Variants in MAP3K5 observed in about 807,000 individuals in gnomAD.
MAP3K5 encodes the protein ASK-1.
Under a neutral mutation model 158.7 loss-of-function variants are expected in MAP3K5, and 56 were observed. The ratio of observed to expected loss-of-function variants is 0.35; its 90% CI spans 0.28 to 0.44. The LOEUF (loss-of-function observed/expected upper bound fraction) is 0.44. Among genes scored for constraint, MAP3K5 ranks in the 20% least tolerant of loss-of-function variants. The pLI is 1.00. For missense variants in MAP3K5, 1,294 were observed against 1,674.8 expected, an observed-to-expected ratio of 0.77 and a Z score of 3.97; for synonymous variants, 579 against 601.7, an observed-to-expected ratio of 0.96 and a Z score of 0.55.
upstream of MAP3K5, among the ~76,000 whole-genome samples, chr6:136,792,971 C>T (rs1009524577): frequency 1.3e-5 from 2 of 152,166 alleles, no homozygotes; most frequent in African/African-American, 2.4e-5. This position sits in a 1 kb window ranked among gnomAD's most constrained non-coding sequence, Gnocchi z 5.7. Context: ...GGACCCCAGC[C>T]CTCCTCTGAG....
chr6:136,658,739 C>G (rs994890187), intron 9 of MAP3K5, among the ~76,000 whole-genome samples: 1 of 152,094 alleles, frequency 6.6e-6, no homozygotes, highest in African/African-American at 2.4e-5. Context: ...GAAAAACACA[C>G]AAATATAAGA....
At chr6:136,572,454 T>C (rs531508261) in intron 25 of MAP3K5, among the ~76,000 whole-genome samples, 77 of 152,216 alleles carry the variant, frequency 5.1e-4, no homozygotes, top group Admixed American at 1.4e-3. Context: ...ATGGGGTTTC[T>C]CCATATTGGT....
chr6:136,639,906 C>T (rs181211679), intron 12 of MAP3K5, among the ~76,000 whole-genome samples: 1 of 152,344 alleles, frequency 6.6e-6, no homozygotes, highest in Admixed American at 6.5e-5. Context: ...ATCCTTTCAA[C>T]AGAGCAGGGA....
At chr6:136,600,547 C>T (rs180917532) in intron 21 of MAP3K5, among the ~76,000 whole-genome samples, 3 of 152,214 alleles carry the variant, frequency 2.0e-5, no homozygotes, top group Admixed American at 2.0e-4. Context: ...CTTCTTAGAG[C>T]AAATCTACTT....
chr6:136,685,244 G>A lies in MAP3K5; in HGVS notation c.1253+8896C>T, dbSNP rs139488165. On this transcript the variant is annotated intron_variant, in intron 7 of 29. Coordinates refer to ENST00000359015, the MANE Select transcript of MAP3K5 (RefSeq NM_005923.4). ...GAGACAGGAGGATTGCTTGAACCCA[G>A]GAGTTCAAGGCTGCAGTGAGCCAAG... 1.9e-3 allele frequency among the ~76,000 whole-genome samples: 283 copies of A among 152,196 alleles called. 7 individuals carry two copies. In the East Asian group the frequency reaches 0.033, roughly 18 times the overall value.
intron 23 of MAP3K5, among the ~76,000 whole-genome samples, chr6:136,589,543 T>C (rs997833383): frequency 2.6e-5 from 4 of 152,364 alleles, no homozygotes; most frequent in African/African-American, 9.6e-5. Flanking sequence ...CCAGGTATTA[T>C]GGTTCTGTGT....
At chr6:136,592,075 C>A (rs1162450558) in intron 23 of MAP3K5, 98 bp downstream of exon 23, 1 of 1,116,464 alleles carries the variant, frequency 9.0e-7, no homozygotes, top group Non-Finnish European at 1.3e-6. Flanking sequence ...ACTACAGGTT[C>A]CTCTTGCCTT....
chr6:136,622,723 G>A, intron 15 of MAP3K5, 125 bp downstream of exon 15: 2 of 1,021,026 alleles, frequency 2.0e-6, no homozygotes, highest in South Asian at 1.5e-5. Flanking sequence ...AACCTCAGAA[G>A]GAGCTAATTC....
intron 18 of MAP3K5, among the ~76,000 whole-genome samples, chr6:136,608,355 G>C (rs1776188995): frequency 6.6e-6 from 1 of 152,182 alleles, no homozygotes; most frequent in Non-Finnish European, 1.5e-5. Context: ...GCAGTGCTGA[G>C]AGTAGACAGT....
intron 1 of MAP3K5, among the ~76,000 whole-genome samples, chr6:136,773,357 C>G (rs1034433865): frequency 6.6e-6 from 1 of 152,148 alleles, no homozygotes; most frequent in African/African-American, 2.4e-5. Flanking sequence ...TTCTGTTGTT[C>G]TCCAGAAATC....
intron 12 of MAP3K5, among the ~76,000 whole-genome samples, chr6:136,640,258 T>G (rs533903212): frequency 1.3e-5 from 2 of 152,332 alleles, no homozygotes; most frequent in East Asian, 3.9e-4. Context: ...TACTTTAGGT[T>G]TTTCAGGCCA....
upstream of MAP3K5, among the ~76,000 whole-genome samples, chr6:136,793,042 G>GGT (rs1317626549): frequency 1.3e-5 from 2 of 152,314 alleles, no homozygotes; most frequent in East Asian, 3.9e-4. Flanking sequence ...CGAAGACCTG[G>GGT]AGCGCAAGCG....
Position 136,791,858 on chromosome 6 carries a change from C to T in MAP3K5, c.300G>A (p.Ala100=), listed in dbSNP as rs745446944. The T allele has an allele frequency of 8.7e-6, 14 of 1,613,702 alleles. No individual in the cohort carries two copies. In the South Asian group the frequency reaches 1.4e-4, roughly 16 times the overall value. ...CGGCCACCACCAGTTGCCCTTGGCT[C>T]GCTTCGTTGATCACATATGCCACCG... ...RTTVAYVINE[A]SQGQLVVAES... is the part of the protein sequence containing the mutation. The change falls in exon 1 of 30, where the codon GCG becomes GCA. Residue 100 remains alanine, a synonymous_variant. Coordinates refer to ENST00000359015, the MANE Select transcript of MAP3K5 (RefSeq NM_005923.4).
At chr6:136,737,035 G>GTATATATATATATATATA (rs1452375249) in intron 1 of MAP3K5, among the ~76,000 whole-genome samples, 16 of 118,706 alleles carry the variant, frequency 1.3e-4, no homozygotes, top group African/African-American at 2.9e-4. Flanking sequence ...ATATATGTGT[G>GTATATATATATATATATA]TGTATATATA....
chr6:136,626,476 C>G (rs1040832251), intron 14 of MAP3K5, among the ~76,000 whole-genome samples: 1 of 152,192 alleles, frequency 6.6e-6, no homozygotes, highest in African/African-American at 2.4e-5. Context: ...AGGGAAGGAA[C>G]AGGCAGCAGG....
intron 1 of MAP3K5, among the ~76,000 whole-genome samples, chr6:136,755,396 A>G (rs1469749738): frequency 6.6e-6 from 1 of 152,148 alleles, no homozygotes; most frequent in Non-Finnish European, 1.5e-5. Context: ...CTTTGAGCAC[A>G]TAATTTGTAA....
rs1055069244 is a variant in MAP3K5, at chr6:136,792,434, A to C, written c.-277T>G. 3.0e-5 allele frequency: 29 copies of C among 953,696 alleles called. No individual in the cohort carries two copies. The highest frequency in any genetic ancestry group is 3.6e-5 in the Non-Finnish European group (29 of 801,452). The allele number at this position is 953,696 out of a possible 1,614,324, so 59.1% of individuals were successfully genotyped here. A position where few individuals can be genotyped will look rare whatever the true frequency, so the allele number is the denominator to read the frequency against. Reference sequence around the variant, plus strand: ...GGGGTGGGGAAGCCGGGTGAGCGGGAAGGGACGGAGCTTCCTTTTCTTGGC... The same window carrying C: ...GGGGTGGGGAAGCCGGGTGAGCGGGCAGGGACGGAGCTTCCTTTTCTTGGC... On this transcript the variant is annotated 5_prime_UTR_variant, in exon 1 of 30. Coordinates refer to ENST00000359015, the MANE Select transcript of MAP3K5 (RefSeq NM_005923.4). This position sits in a 1 kb window ranked among gnomAD's most constrained non-coding sequence, Gnocchi z 5.7.
intron 14 of MAP3K5, among the ~76,000 whole-genome samples, chr6:136,625,743 T>C (rs1327580448): frequency 1.3e-5 from 2 of 152,140 alleles, no homozygotes; most frequent in Non-Finnish European, 2.9e-5. Flanking sequence ...ACCACTAAAG[T>C]TGAACTCACA....
intron 14 of MAP3K5, among the ~76,000 whole-genome samples, chr6:136,623,960 G>A (rs1173896879): frequency 5.3e-5 from 8 of 152,190 alleles, no homozygotes; most frequent in African/African-American, 1.9e-4. Flanking sequence ...TTGGAAGGCT[G>A]AGGCAGGTGC....
Sources: gnomAD v4.1 joint callset for allele counts (sites outside exome capture counted in the v4.1 genomes callset) on GRCh38, gnomAD v4.1.1 for gene constraint, Gnocchi (gnomAD v3.1) non-coding constraint, MANE v1.5 for transcripts, NCBI Gene and HGNC (gene_info 2026-07-23, HGNC 2026-07-21) for gene names.